Variants in ERC1 observed in about 807,000 individuals in gnomAD.
ERC1 encodes the protein RAB6 interacting protein 2.
In ERC1, 56 loss-of-function variants were observed where a neutral mutation model predicts 132.0. The observed-to-expected ratio is 0.42, with a 90% CI of 0.34 to 0.53. ERC1 has a LOEUF of 0.53. Among genes scored for constraint, ERC1 ranks in the 20% least tolerant of loss-of-function variants. The probability of loss-of-function intolerance (pLI) is 0.03; values close to 1 mark genes in which losing one functional copy is unlikely to be tolerated. For missense variants in ERC1, 1,202 were observed against 1,349.9 expected, an observed-to-expected ratio of 0.89 and a Z score of 1.72; for synonymous variants, 478 against 476.1, an observed-to-expected ratio of 1.00 and a Z score of -0.05.
intron 12 of ERC1, among the ~76,000 whole-genome samples, chr12:1,223,367 A>G (rs979014856): frequency 3.9e-5 from 6 of 152,258 alleles, no homozygotes; most frequent in African/African-American, 1.4e-4. Flanking sequence ...CCTGCCTGGC[A>G]TAGTCTGCAT....
chr12:1,377,632 T>C (rs1048950131), intron 16 of ERC1, among the ~76,000 whole-genome samples: 2 of 152,252 alleles, frequency 1.3e-5, no homozygotes, highest in Non-Finnish European at 2.9e-5. Context: ...ATTTTGACTT[T>C]AACCTTTTTT....
At chr12:1,328,919 C>G (rs1465118481) in intron 15 of ERC1, among the ~76,000 whole-genome samples, 1 of 113,314 alleles carries the variant, frequency 8.8e-6, no homozygotes, top group Non-Finnish European at 1.8e-5. Flanking sequence ...GGGTCCTTGT[C>G]TTTTTCATTC....
intron 17 of ERC1, among the ~76,000 whole-genome samples, chr12:1,440,763 C>T (rs1429247840): frequency 2.6e-5 from 4 of 151,296 alleles, no homozygotes; most frequent in African/African-American, 9.7e-5. Flanking sequence ...TTCTTAATGC[C>T]TCAGCCTACT....
intron 2 of ERC1, among the ~76,000 whole-genome samples, chr12:1,052,750 A>G (rs1333514940): frequency 1.3e-5 from 2 of 152,172 alleles, no homozygotes; most frequent in Non-Finnish European, 2.9e-5. Flanking sequence ...AGGGCGGATC[A>G]CCTGAGGTCG....
intron 5 of ERC1, among the ~76,000 whole-genome samples, chr12:1,111,680 G>A (rs535084817): frequency 1.3e-5 from 2 of 150,422 alleles, no homozygotes; most frequent in African/African-American, 2.5e-5. Flanking sequence ...GTGCAGTGGC[G>A]TGATCTCGGT....
At chr12:1,468,431 A>G (rs7310306) in intron 18 of ERC1, among the ~76,000 whole-genome samples, 29,687 of 152,066 alleles carry the variant, frequency 0.2, 6,173 homozygotes, top group African/African-American at 0.53. Context: ...GGTGAAACCC[A>G]TCTCTACTAA....
intron 2 of ERC1, among the ~76,000 whole-genome samples, chr12:1,077,119 G>A (rs1362610662): frequency 6.6e-6 from 1 of 152,108 alleles, no homozygotes; most frequent in African/African-American, 2.4e-5. Context: ...TTGTAAAAGG[G>A]TACAATACTG....
intron 18 of ERC1, among the ~76,000 whole-genome samples, chr12:1,476,448 C>T (rs1482678591): frequency 6.6e-6 from 1 of 151,982 alleles, no homozygotes. Flanking sequence ...AAAGAAAAAA[C>T]TAAATTAGAA....
At chr12:1,034,425 A>T (rs964480620) in intron 2 of ERC1, among the ~76,000 whole-genome samples, 3 of 152,124 alleles carry the variant, frequency 2.0e-5, no homozygotes, top group African/African-American at 4.8e-5. Flanking sequence ...AATAAATAAA[A>T]AAATAAATAA....
At chr12:1,198,670 G>T (rs2154281929) in intron 12 of ERC1, among the ~76,000 whole-genome samples, 1 of 152,304 alleles carries the variant, frequency 6.6e-6, no homozygotes, top group South Asian at 2.1e-4. Flanking sequence ...ATTGGCTCAT[G>T]TTTCTGCGGG....
At chr12:1,051,548 A>G (rs1025388801) in intron 2 of ERC1, among the ~76,000 whole-genome samples, 32 of 149,886 alleles carry the variant, frequency 2.1e-4, no homozygotes, top group African/African-American at 6.1e-4. Flanking sequence ...AAAAAAAAAA[A>G]AAAAAAGGGC....
chr12:1,252,711 G>T (rs1192964011), intron 13 of ERC1, among the ~76,000 whole-genome samples: 1 of 152,160 alleles, frequency 6.6e-6, no homozygotes, highest in Non-Finnish European at 1.5e-5. Flanking sequence ...AGGAGGGAGA[G>T]AATATTTTTA....
intron 12 of ERC1, among the ~76,000 whole-genome samples, chr12:1,195,516 A>T (rs965612970): frequency 1.3e-5 from 2 of 152,198 alleles, no homozygotes; most frequent in Admixed American, 6.5e-5. Context: ...GCACATATGC[A>T]TTAGTGATTG....
chr12:1,138,058 AATT>A (rs1566059030), intron 7 of ERC1, among the ~76,000 whole-genome samples: 1 of 90,110 alleles, frequency 1.1e-5, no homozygotes, highest in South Asian at 2.9e-4. Flanking sequence ...AATTATATAT[AATT>A]ATATATTGTT....
intron 12 of ERC1, among the ~76,000 whole-genome samples, chr12:1,196,884 G>GTC (rs1956320987): frequency 3.6e-5 from 3 of 83,870 alleles, no homozygotes; most frequent in Non-Finnish European, 5.2e-5. Context: ...CTCTCTGTCT[G>GTC]TCTGTCTCTC....
At chr12:1,082,479 AAAAAATT>A (rs1430199379) in intron 2 of ERC1, among the ~76,000 whole-genome samples, 1 of 109,356 alleles carries the variant, frequency 9.1e-6, no homozygotes, top group Non-Finnish European at 1.9e-5. Flanking sequence ...TGATGAAAAA[AAAAAATT>A]TTTTTTTTTT....
chr12:1,340,537 C>A (rs775389504), intron 15 of ERC1, among the ~76,000 whole-genome samples: 1 of 152,146 alleles, frequency 6.6e-6, no homozygotes, highest in African/African-American at 2.4e-5. Context: ...GATTACTCTT[C>A]GTGAGTACAA....
chr12:1,376,282 ATC>A (rs2087905215), intron 16 of ERC1, among the ~76,000 whole-genome samples: 1 of 152,200 alleles, frequency 6.6e-6, no homozygotes, highest in African/African-American at 2.4e-5. Context: ...TCTTTCTTAA[ATC>A]TTACATTTTC....
intron 12 of ERC1, 33 bp downstream of exon 12, chr12:1,190,085 G>A (rs750095323): frequency 6.4e-7 from 1 of 1,555,980 alleles, no homozygotes; most frequent in Non-Finnish European, 8.9e-7. Context: ...GGCTTATGAG[G>A]TTAAAGTATG....
Sources: allele counts gnomAD v4.1 joint callset (sites outside exome capture counted in the v4.1 genomes callset), GRCh38; gene constraint gnomAD v4.1.1; transcripts MANE v1.5; gene names NCBI Gene and HGNC (gene_info 2026-07-23, HGNC 2026-07-21).